AKAP3: variants seen among roughly 807,000 people sequenced by gnomAD.
AKAP3 encodes A-kinase anchor protein 3.
Under a neutral mutation model 57.2 loss-of-function variants are expected in AKAP3, and 27 were observed. That is an observed-to-expected ratio of 0.47 (90% confidence interval 0.35 to 0.65). The LOEUF (loss-of-function observed/expected upper bound fraction) is 0.65. Ranked by LOEUF, AKAP3 falls within the 30% of genes least tolerant of loss-of-function variation. The pLI, the probability that AKAP3 is intolerant of heterozygous loss-of-function variation, is 0.01. For synonymous variants in AKAP3, 334 were observed against 392.3 expected, an observed-to-expected ratio of 0.85 and a Z score of 1.76; for missense variants, 959 against 1,040.0, an observed-to-expected ratio of 0.92 and a Z score of 1.07.
chr12:4,616,045 G>T (rs1026479246), intron 5 of AKAP3, 151 bp from the exon 6 acceptor site: 1 of 871,294 alleles, frequency 1.1e-6, no homozygotes, highest in African/African-American at 1.7e-5. Flanking sequence ...ACAGAAGGAG[G>T]TTGGTGACTT....
intron 5 of AKAP3, among the ~76,000 whole-genome samples, chr12:4,618,203 T>A (rs1438054884): frequency 6.6e-6 from 1 of 152,178 alleles, no homozygotes; most frequent in Non-Finnish European, 1.5e-5. Context: ...ACAAAAAATA[T>A]AACCCAAGTG....
At chr12:4,640,089 T>C (rs993561059) in intron 3 of AKAP3, among the ~76,000 whole-genome samples, 1 of 152,202 alleles carries the variant, frequency 6.6e-6, no homozygotes, top group Non-Finnish European at 1.5e-5. Context: ...GTGCTGGGAT[T>C]ACAGGCATGA....
chr12:4,626,741 T>G lies in AKAP3; in HGVS notation c.2161A>C (p.Lys721Gln). 1 of 1,614,104 alleles carries G rather than the reference T, an allele frequency of 6.2e-7. No homozygotes were observed. Among genetic ancestry groups the G allele is most frequent in the Non-Finnish European group, 8.5e-7 (1 of 1,180,016 alleles). ...PDSLYECLPA[K>Q]GTGSAEAVLQ... The stretch of plus-strand genomic sequence containing the variant: ...ACAGCTTCTGCTGACCCTGTGCCCT[T>G]GGCTGGTAAGCACTCATATAAACTA... The change falls in exon 5 of 6, where the codon AAG becomes CAG. Residue 721 changes from lysine (K) to glutamine (Q), a missense_variant. Lys to Gln is a moderately conservative substitution (Grantham distance 53). Transcript: ENST00000228850.
intron 4 of AKAP3, chr12:4,636,167 A>C: frequency 1.6e-6 from 1 of 627,182 alleles, no homozygotes; most frequent in East Asian, 3.3e-5. Flanking sequence ...AGCCATGTTC[A>C]CATTTGAAAT....
Position 4,636,392 on chromosome 12 carries a change from T to C in AKAP3, c.96+1709A>G, listed in dbSNP as rs1454286560. On this transcript the variant is annotated intron_variant, in intron 4 of 5. Coordinates refer to ENST00000228850, the MANE Select transcript of AKAP3 (RefSeq NM_001278309.2). ...CCTCACCGACATTTCTACTTTGATA[T>C]GTGTACTTTTTATTTTCCAAAATGA... Among the ~76,000 whole-genome samples the C allele has an allele frequency of 3.3e-5, 5 of 152,352 alleles. No homozygotes were observed. In the East Asian group the frequency reaches 7.7e-4, roughly 24 times the overall value.
Position 4,626,557 on chromosome 12 carries a change from G to T in AKAP3, c.2345C>A (p.Ala782Asp). The T allele has an allele frequency of 6.2e-7, 1 of 1,614,146 alleles. No individual in the cohort carries two copies. Residue 782 changes from alanine to aspartate, a missense_variant, in exon 5 of 6, where the codon GCC becomes GAC. Transcript: ENST00000228850. ...CAAAATAGGGACATTGAGCTCAGAG[G>T]CAGCTACCCATTGAAGGACGGCTTG... ...QLQAVLQWVA[A>D]SELNVPILYF...
intron 5 of AKAP3, among the ~76,000 whole-genome samples, chr12:4,616,236 G>T (rs946478843): frequency 6.6e-6 from 1 of 152,162 alleles, no homozygotes; most frequent in African/African-American, 2.4e-5. Context: ...ATGCCCCATA[G>T]ACCACAGAAT....
Position 4,628,578 on chromosome 12 carries a change from G to A in AKAP3, c.324C>T (p.Cys108=), listed in dbSNP as rs1394823232. Reference sequence around the variant, plus strand: ...TGCCAAGTTGGGCCCTGGGGCCCTGGCAAGGAATCTCTTTGTGAGTCATCT... The same window carrying A: ...TGCCAAGTTGGGCCCTGGGGCCCTGACAAGGAATCTCTTTGTGAGTCATCT... ...HFEMTHKEIP[C]QGPRAQLGNG... The change falls in exon 5 of 6, where the codon TGC becomes TGT. Residue 108 remains cysteine, a synonymous_variant. Transcript: ENST00000228850. The A allele has an allele frequency of 1.2e-6, 2 of 1,614,186 alleles. No homozygotes were observed. The highest frequency in any genetic ancestry group is 1.7e-5 in the Admixed American group (1 of 60,022).
rs374817430 is a variant in AKAP3 at position 4,641,062 on chromosome 12, C to CTTTTTTT, written c.-1+830_-1+836dup. ...TCTCTGAGACAGATTTTCTAACTTC[C>CTTTTTTT]TTTTTTTTTTTTTTTTTTTTTTTTT... On this transcript the variant is annotated intron_variant, in intron 3 of 5. Coordinates refer to ENST00000228850, the MANE Select transcript of AKAP3 (RefSeq NM_001278309.2). 2.3e-4 allele frequency among the ~76,000 whole-genome samples: 16 copies of CTTTTTTT among 68,698 alleles called. 1 individual carries two copies. The highest frequency in any genetic ancestry group is 4.4e-4 in the Admixed American group (2 of 4,566). The allele number at this position is 68,698 out of a possible 152,430, so 45.1% of individuals were successfully genotyped here. A position where few individuals can be genotyped will look rare whatever the true frequency, so the allele number is the denominator to read the frequency against.
At chr12:4,631,035 A>G (rs1341219440) in intron 4 of AKAP3, among the ~76,000 whole-genome samples, 6 of 152,126 alleles carry the variant, frequency 3.9e-5, no homozygotes, top group Non-Finnish European at 5.9e-5. Flanking sequence ...AAATGTCCTC[A>G]TGAAACAGGT....
chr12:4,638,017 G>A (rs1041260994), intron 4 of AKAP3, 84 bp downstream of exon 4: 8 of 1,133,502 alleles, frequency 7.1e-6, no homozygotes, highest in Non-Finnish European at 9.4e-6. Context: ...TAAGAGGTTG[G>A]TGGTATGGTG....
At chr12:4,629,777 C>CA (rs924689324) in intron 4 of AKAP3, among the ~76,000 whole-genome samples, 15 of 152,032 alleles carry the variant, frequency 9.9e-5, no homozygotes, top group Non-Finnish European at 7.4e-5. Flanking sequence ...GTATAGTTTC[C>CA]AAAAAAATGA....
At position 4,648,995 on chromosome 12, in the gene AKAP3, T is replaced by C. The variant is rs1033445132; in HGVS notation, c.-495A>G. 6 of 1,029,768 alleles carry C rather than the reference T, an allele frequency of 5.8e-6. No individual in the cohort carries two copies. Among genetic ancestry groups the C allele is most frequent in the Admixed American group, 2.5e-5 (1 of 40,202 alleles). 63.8% of individuals were successfully genotyped at this position (1,029,768 alleles called of 1,614,324 possible). A position where few individuals can be genotyped will look rare whatever the true frequency, so the allele number is the denominator to read the frequency against. On this transcript the variant is annotated 5_prime_UTR_variant, in exon 1 of 6. Coordinates refer to ENST00000228850, the MANE Select transcript of AKAP3 (RefSeq NM_001278309.2). ...CTCCTTCACTTTCCCAGCTTTCTTCTTAACCAACAATCTACCCGAAACCGT... is the reference window on the plus strand; with the variant it reads ...CTCCTTCACTTTCCCAGCTTTCTTCCTAACCAACAATCTACCCGAAACCGT...
At chr12:4,620,637 T>C in intron 5 of AKAP3, among the ~76,000 whole-genome samples, 1 of 152,192 alleles carries the variant, frequency 6.6e-6, no homozygotes, top group East Asian at 1.9e-4. Flanking sequence ...GTACATATGA[T>C]GGTGGTTCCA....
At chr12:4,647,508 G>GAAA (rs912322094) in intron 1 of AKAP3, among the ~76,000 whole-genome samples, 1 of 141,382 alleles carries the variant, frequency 7.1e-6, no homozygotes. Context: ...CCCCATCTCT[G>GAAA]AAAAAAAAAA....
intron 3 of AKAP3, among the ~76,000 whole-genome samples, chr12:4,640,640 A>C (rs1290870193): frequency 6.6e-6 from 1 of 152,218 alleles, no homozygotes; most frequent in Non-Finnish European, 1.5e-5. Context: ...AGAGCTACTT[A>C]TTCTTTGCTC....
chr12:4,627,939 A>T lies in AKAP3; in HGVS notation c.963T>A (p.Val321=). 6.2e-7 allele frequency: 1 copy of T among 1,614,122 alleles called. No homozygotes were observed. Among genetic ancestry groups the T allele is most frequent in the Non-Finnish European group, 8.5e-7 (1 of 1,180,010 alleles). Residue 321 remains valine, a synonymous_variant, in exon 5 of 6, where the codon GTT becomes GTA. Coordinates refer to ENST00000228850, the MANE Select transcript of AKAP3 (RefSeq NM_001278309.2). The part of the protein sequence containing the change: ...TTIATILLKK[V]LLKHAKEVVS... ...CCACCTCTTTTGCATGCTTGAGCAG[A>T]ACCTTCTTCAGTAGGATGGTGGCAA...
chr12:4,622,695 A>C (rs987714462), intron 5 of AKAP3, among the ~76,000 whole-genome samples: 3 of 152,194 alleles, frequency 2.0e-5, no homozygotes, highest in Admixed American at 6.5e-5. Flanking sequence ...CACCTAGACA[A>C]TACCATTCTG....
chr12:4,618,090 AAAAAG>A (rs1945307009), intron 5 of AKAP3, among the ~76,000 whole-genome samples: 2 of 152,232 alleles, frequency 1.3e-5, no homozygotes, highest in African/African-American at 2.4e-5. Flanking sequence ...AACAGGAAGA[AAAAAG>A]AGAAGCAACA....
Sources: gnomAD v4.1 joint callset for allele counts (sites outside exome capture counted in the v4.1 genomes callset) on GRCh38, gnomAD v4.1.1 for gene constraint, MANE v1.5 for transcripts, NCBI Gene and HGNC (gene_info 2026-07-23, HGNC 2026-07-21) for gene names.